KRT83: variants seen among roughly 807,000 people sequenced by gnomAD.
KRT83 encodes keratin, type II cuticular Hb3.
In KRT83, 51 loss-of-function variants were observed where a neutral mutation model predicts 52.9. That is an observed-to-expected ratio of 0.96 (90% CI 0.77 to 1.22). The LOEUF is 1.22. Ranked by LOEUF, KRT83 falls within the 50% of genes most tolerant of loss-of-function variation. The probability of loss-of-function intolerance (pLI) is 0.00; values close to 1 mark genes in which losing one functional copy is unlikely to be tolerated. For synonymous variants in KRT83, 278 were observed against 274.1 expected, an observed-to-expected ratio of 1.01 and a Z score of -0.14; for missense variants, 654 against 666.5, an observed-to-expected ratio of 0.98 and a Z score of 0.21.
chr12:52,314,837 G>C lies in KRT83; in HGVS notation c.1295-19C>G. 6.3e-7 allele frequency: 1 copy of C among 1,592,758 alleles called. No individual in the cohort carries two copies. Among genetic ancestry groups the C allele is most frequent in the Middle Eastern group, 2.0e-4 (1 of 5,096 alleles). On this transcript the variant is annotated intron_variant, in intron 8 of 8. Transcript: ENST00000293670. ...CTGACACCTGTGGGAACAAGGGCAG[G>C]GTCAAGAGACCCCTGCTGATGGCCA...
chr12:52,315,980 C>T lies in KRT83; in HGVS notation c.1175G>A (p.Arg392Lys), dbSNP rs1278785234. The change falls in exon 7 of 9, where the codon AGG becomes AAG. Residue 392 changes from arginine to lysine, a missense_variant. Transcript: ENST00000293670. ...KAKQDMACLI[R>K]EYQEVMNSKL... Reference sequence around the variant, plus strand: ...GGAGTTCATCACCTCCTGGTACTCCCTGATCAGGCAGGCCATGTCTTGCTT... The same window carrying T: ...GGAGTTCATCACCTCCTGGTACTCCTTGATCAGGCAGGCCATGTCTTGCTT... 2 of 1,613,098 alleles carry T rather than the reference C, an allele frequency of 1.2e-6. No homozygotes were observed. Among genetic ancestry groups the T allele is most frequent in the East Asian group, 2.2e-5 (1 of 44,872 alleles).
intron 6 of KRT83, 33 bp from the exon 7 acceptor site, chr12:52,316,146 G>C: frequency 5.0e-6 from 8 of 1,611,262 alleles, no homozygotes; most frequent in Non-Finnish European, 6.8e-6. Context: ...AGAGGATAAA[G>C]TGAAGTTTAG....
In KRT83 at chr12:52,317,789, G is replaced by C; in HGVS notation, c.655-13C>G. 6.2e-7 allele frequency: 1 copy of C among 1,613,860 alleles called. No individual in the cohort carries two copies. Among genetic ancestry groups the C allele is most frequent in the Non-Finnish European group, 8.5e-7 (1 of 1,179,840 alleles). ...CGCAGTCCACATCCTGGGTGGGGTA[G>C]AAGGGGCTGTGAGGCCGGCTTTCCT... On this transcript the variant is annotated splice_polypyrimidine_tract_variant and intron_variant, in intron 3 of 8. Coordinates refer to ENST00000293670, the MANE Select transcript of KRT83 (RefSeq NM_002282.3).
At chr12:52,315,675 G>A (rs746538895) in intron 7 of KRT83, among the ~76,000 whole-genome samples, 18 of 152,222 alleles carry the variant, frequency 1.2e-4, no homozygotes, top group African/African-American at 3.9e-4. Flanking sequence ...CGAGGTCAGG[G>A]GTGGAGTTTG....
intron 7 of KRT83, 91 bp from the exon 8 acceptor site, chr12:52,315,434 G>A (rs1389824002): frequency 7.5e-7 from 1 of 1,330,396 alleles, no homozygotes; most frequent in Non-Finnish European, 1.1e-6. Context: ...GGTCATCTCA[G>A]GGCTATTTCT....
intron 8 of KRT83, 43 bp from the exon 9 acceptor site, chr12:52,314,861 C>T (rs1228053439): frequency 1.3e-6 from 2 of 1,542,410 alleles, no homozygotes; most frequent in Admixed American, 3.7e-5. Flanking sequence ...TGCTGATGGC[C>T]ATCCCATCCA....
intron 7 of KRT83, 106 bp from the exon 8 acceptor site, chr12:52,315,449 T>G: frequency 5.2e-6 from 6 of 1,160,382 alleles, no homozygotes; most frequent in Non-Finnish European, 7.8e-6. Flanking sequence ...ATTTCTGACC[T>G]ACATTTATTC....
rs148269084 is a variant in KRT83 at position 52,317,136 on chromosome 12, C to T, written c.751-113G>A. On this transcript the variant is annotated intron_variant, in intron 4 of 8. Transcript: ENST00000293670. ...AGTGAACTTCTCATGTTTAGAGAAA[C>T]AAACCTGATGAAATCACATAACTTT... 8 of 1,348,220 alleles carry T rather than the reference C, an allele frequency of 5.9e-6. No homozygotes were observed. The African/African-American group carries it at 8.6e-5, about 15-fold the overall frequency. The allele number at this position is 1,348,220 out of a possible 1,614,324, so 83.5% of individuals were successfully genotyped here.
chr12:52,316,893 C>T lies in KRT83; in HGVS notation c.881G>A (p.Ser294Asn), dbSNP rs1350737751. 6.2e-7 allele frequency: 1 copy of T among 1,614,212 alleles called. No homozygotes were observed. The highest frequency in any genetic ancestry group is 8.5e-7 in the Non-Finnish European group (1 of 1,180,040). Residue 294 changes from serine to asparagine, a missense_variant, in exon 5 of 9, where the codon AGC becomes AAC. Physicochemically the swap from Ser to Asn is conservative, Grantham distance 46. Coordinates refer to ENST00000293670, the MANE Select transcript of KRT83 (RefSeq NM_002282.3). ...ATACCAGGACTCGGCCTCAGCCCGG[C>T]TACGGGTGGCAATGTCATCATACTG... ...KAQYDDIATR[S>N]RAEAESWYRS...
At position 52,317,695 on chromosome 12, in the gene KRT83, G is replaced by A. The variant is rs766187594; in HGVS notation, c.736C>T (p.Arg246Trp). The A allele has an allele frequency of 4.3e-6, 7 of 1,612,554 alleles. No homozygotes were observed. Among genetic ancestry groups the A allele is most frequent in the East Asian group, 2.2e-5 (1 of 44,864 alleles). Residue 246 changes from arginine (R) to tryptophan (W), a missense_variant, in exon 4 of 9, where the codon CGG becomes TGG. Coordinates refer to ENST00000293670, the MANE Select transcript of KRT83 (RefSeq NM_002282.3). The part of the protein sequence containing the change: ...ALIQEIDFLR[R>W]LYEEEIRILQ... ...GAGCCCCTCACCTCCTCGTACAGCC[G>A]CCTCAGGAAGTCAATCTCCTGGATC...
At chr12:52,316,738 A>T (rs1430079191) in intron 5 of KRT83, 121 bp downstream of exon 5, 1 of 1,594,074 alleles carries the variant, frequency 6.3e-7, no homozygotes, top group Admixed American at 1.7e-5. Flanking sequence ...CATGAGAGCT[A>T]TTGGTTTTTC....
At chr12:52,318,171 T>A (rs866418831) in intron 2 of KRT83, among the ~76,000 whole-genome samples, 1 of 152,062 alleles carries the variant, frequency 6.6e-6, no homozygotes. Context: ...CCTACTCCCC[T>A]GTTTTTTTTT....
chr12:52,315,609 A>G (rs1334877011), intron 7 of KRT83, among the ~76,000 whole-genome samples: 1 of 152,234 alleles, frequency 6.6e-6, no homozygotes, highest in Non-Finnish European at 1.5e-5. Context: ...GAACAACCAT[A>G]TCTGTCAGGT....
chr12:52,317,857 A>G, intron 3 of KRT83, 53 bp downstream of exon 3: 1 of 1,611,738 alleles, frequency 6.2e-7, no homozygotes, highest in Non-Finnish European at 8.5e-7. Context: ...CAGGACAAAG[A>G]GGATGGGTGG....
In KRT83 at chr12:52,317,760, T is replaced by C. The variant is rs953831263; in HGVS notation, c.671A>G (p.Tyr224Cys). Residue 224 changes from tyrosine to cysteine, a missense_variant, in exon 4 of 9, where the codon TAC becomes TGC. Physicochemically the swap from Tyr to Cys is radical, Grantham distance 194. Transcript: ENST00000293670. ...VALKKDVDCA[Y>C]LRKSDLEANV... The stretch of plus-strand genomic sequence containing the variant: ...GGCCTCCAGGTCTGACTTGCGGAGG[T>C]AGGCGCAGTCCACATCCTGGGTGGG... 1.2e-6 allele frequency: 2 copies of C among 1,613,634 alleles called. No homozygotes were observed. Among genetic ancestry groups the C allele is most frequent in the Admixed American group, 3.3e-5 (2 of 59,992 alleles).
rs571144595 is a variant in KRT83 at position 52,320,973 on chromosome 12, T to A, written c.363A>T (p.Arg121Ser). The change falls in exon 1 of 9, where the codon AGA becomes AGT. Residue 121 changes from arginine (R) to serine (S), a missense_variant. Transcript: ENST00000293670. ...EKEQIKSLNS[R>S]FAAFIDKVRF... is the part of the protein sequence containing the mutation. Reference sequence around the variant, plus strand: ...CCACCTTGTCGATGAAGGCCGCGAATCTGCTGTTGAGGGACTTGATCTGCT... The same window carrying A: ...CCACCTTGTCGATGAAGGCCGCGAAACTGCTGTTGAGGGACTTGATCTGCT... 2.5e-6 allele frequency: 4 copies of A among 1,613,702 alleles called. No individual in the cohort carries two copies. In the Admixed American group the frequency reaches 5.0e-5, roughly 20 times the overall value.
chr12:52,317,435 A>C (rs1022212684), intron 4 of KRT83, among the ~76,000 whole-genome samples: 3 of 152,168 alleles, frequency 2.0e-5, no homozygotes, highest in Non-Finnish European at 4.4e-5. Flanking sequence ...GGAAGGATGC[A>C]GGGCAGGTTC....
At chr12:52,314,843 G>A (rs747834196) in intron 8 of KRT83, 25 bp from the exon 9 acceptor site, 4 of 1,585,792 alleles carry the variant, frequency 2.5e-6, no homozygotes, top group Non-Finnish European at 3.4e-6. Flanking sequence ...GCAGGGTCAA[G>A]AGACCCCTGC....
chr12:52,318,062 C>T, intron 2 of KRT83, 92 bp from the exon 3 acceptor site: 5 of 1,179,354 alleles, frequency 4.2e-6, no homozygotes, highest in Non-Finnish European at 6.3e-6. Flanking sequence ...CCTAGACCTC[C>T]CCCTGCTTGT....
Sources: gnomAD v4.1 joint callset for allele counts (sites outside exome capture counted in the v4.1 genomes callset) on GRCh38, gnomAD v4.1.1 for gene constraint, MANE v1.5 for transcripts, NCBI Gene and HGNC (gene_info 2026-07-23, HGNC 2026-07-21) for gene names.